Variants in PRRC2B observed in about 807,000 individuals in gnomAD.
PRRC2B encodes the protein proline rich coiled-coil 2B.
A neutral mutation model predicts 242.3 loss-of-function variants in PRRC2B; 68 were observed. The ratio of observed to expected loss-of-function variants is 0.28; its 90% confidence interval spans 0.23 to 0.34. The LOEUF (loss-of-function observed/expected upper bound fraction) is 0.34. Among genes scored for constraint, PRRC2B ranks in the 10% least tolerant of loss-of-function variants. The probability of loss-of-function intolerance (pLI) is 1.00; values close to 1 mark genes in which losing one functional copy is unlikely to be tolerated. For synonymous variants in PRRC2B, 1,228 were observed against 1,173.6 expected (o/e 1.05, Z -0.95); for missense variants, 2,835 against 2,954.8 (o/e 0.96, Z 0.94).
At chr9:131,373,916 G>A (rs1259378915) in intron 1 of PRRC2B, among the ~76,000 whole-genome samples, 3 of 152,190 alleles carry the variant, frequency 2.0e-5, no homozygotes, top group Non-Finnish European at 4.4e-5. Flanking sequence ...AAGATTAGCA[G>A]GGCGCGGTGG....
intron 1 of PRRC2B, among the ~76,000 whole-genome samples, chr9:131,410,688 T>G (rs1837485566): frequency 6.6e-6 from 1 of 152,250 alleles, no homozygotes; most frequent in Non-Finnish European, 1.5e-5. Context: ...TCTATTTTGT[T>G]TCTTCGTTCA....
At chr9:131,403,946 T>C (rs570690071) in intron 1 of PRRC2B, among the ~76,000 whole-genome samples, 30 of 152,248 alleles carry the variant, frequency 2.0e-4, no homozygotes, top group South Asian at 4.1e-4. Context: ...AATACTTTTT[T>C]TTTCTTCCTT....
chr9:131,483,471 T>A (rs1203911137), intron 23 of PRRC2B, 26 bp downstream of exon 23: 1 of 1,599,602 alleles, frequency 6.3e-7, no homozygotes, highest in East Asian at 2.2e-5. Flanking sequence ...CACTTTTGGC[T>A]CCACTCACTG....
At chr9:131,481,290 G>A (rs191521112) in intron 19 of PRRC2B, among the ~76,000 whole-genome samples, 112 of 107,150 alleles carry the variant, frequency 1.0e-3, no homozygotes, top group African/African-American at 4.0e-3. Flanking sequence ...CAGCCTGGGC[G>A]ACAGAGCAAG....
intron 1 of PRRC2B, among the ~76,000 whole-genome samples, chr9:131,400,963 C>CT (rs765033495): frequency 0.015 from 1,966 of 131,330 alleles, 35 homozygotes; most frequent in African/African-American, 0.049. Flanking sequence ...TTCTTTCTTT[C>CT]TTTTTTTTTT....
At chr9:131,415,539 C>T (rs1484810978) in intron 1 of PRRC2B, among the ~76,000 whole-genome samples, 4 of 152,166 alleles carry the variant, frequency 2.6e-5, no homozygotes, top group South Asian at 4.1e-4. Context: ...GCCAGTCCCT[C>T]GGTTTGCTCT....
chr9:131,420,496 T>TCTTTCTTTCTTTCTTC (rs59621148), intron 1 of PRRC2B, among the ~76,000 whole-genome samples: 1 of 75,898 alleles, frequency 1.3e-5, no homozygotes, highest in African/African-American at 5.3e-5. Flanking sequence ...TTTCTTTCTT[T>TCTTTCTTTCTTTCTTC]TTTTTTTTTT....
chr9:131,475,285 T>C lies in PRRC2B; in HGVS notation c.3156T>C (p.Ile1052=). The change falls in exon 16 of 32, where the codon ATT becomes ATC. Residue 1052 remains isoleucine, a synonymous_variant. Transcript: ENST00000683519. ...TGAAGAGAAATAACTGGATCTTTAT[T>C]GATGAGGAGCAAGCCTTTGGGGTCA... The part of the protein sequence containing the change: ...PPMKRNNWIF[I]DEEQAFGVRG... 5.0e-6 allele frequency: 8 copies of C among 1,611,762 alleles called. 1 individual carries two copies. The East Asian group carries it at 1.8e-4, about 36-fold the overall frequency.
At position 131,498,272 on chromosome 9, in the gene PRRC2B, GAAAAA is replaced by G; in HGVS notation, c.*2403_*2407del. The G allele has an allele frequency of 6.6e-6, 1 of 151,076 alleles. No individual in the cohort carries two copies. The highest frequency in any genetic ancestry group is 2.4e-5 in the African/African-American group (1 of 41,104). 9.4% of individuals were successfully genotyped at this position (151,076 alleles called of 1,614,324 possible). ...ATGTATTGATGTTGTAGGTCTAGGT[GAAAAA>G]AAAAGAAGTAAATGTTTCACTGCTC... On this transcript the variant is annotated 3_prime_UTR_variant, in exon 32 of 32. Transcript: ENST00000683519.
At chr9:131,428,201 T>TG (rs746181617) in intron 1 of PRRC2B, among the ~76,000 whole-genome samples, 5 of 152,058 alleles carry the variant, frequency 3.3e-5, no homozygotes, top group Admixed American at 6.6e-5. Context: ...ATTATAGGCG[T>TG]GAGCCACCGT....
chr9:131,445,165 CTTT>C (rs796163764), intron 6 of PRRC2B, among the ~76,000 whole-genome samples: 1 of 145,926 alleles, frequency 6.9e-6, no homozygotes, highest in African/African-American at 2.5e-5. Context: ...TATTTTGCTG[CTTT>C]TTTTTTTTTG....
In PRRC2B at chr9:131,435,331, T is replaced by C. The variant is rs1838318793; in HGVS notation, c.294-1289T>C. On this transcript the variant is annotated intron_variant, in intron 3 of 31. Transcript: ENST00000683519. ...AGAAAAGAAAAAAAAGTTCTTATTG[T>C]AGGTCGGGCGCAGTGGCTCACACCT... 2.6e-5 allele frequency among the ~76,000 whole-genome samples: 4 copies of C among 151,056 alleles called. No individual in the cohort carries two copies. The South Asian group carries it at 8.4e-4, about 32-fold the overall frequency.
chr9:131,492,377 T>G, intron 30 of PRRC2B, 117 bp downstream of exon 30: 1 of 720,364 alleles, frequency 1.4e-6, no homozygotes, highest in South Asian at 1.6e-5. Context: ...GGTCCCTCTA[T>G]GGGCCATGTG....
At chr9:131,490,179 G>T (rs1435451647) in intron 28 of PRRC2B, among the ~76,000 whole-genome samples, 2 of 151,552 alleles carry the variant, frequency 1.3e-5, no homozygotes, top group East Asian at 2.0e-4. Flanking sequence ...TTTTCCTCCC[G>T]GTCCTTCTGC....
In PRRC2B at chr9:131,482,139, C is replaced by T. The variant is rs146989285; in HGVS notation, c.4984-232C>T. Among the ~76,000 whole-genome samples the T allele has an allele frequency of 1.3e-5, 2 of 152,324 alleles. No homozygotes were observed. The highest frequency in any genetic ancestry group is 2.9e-5 in the Non-Finnish European group (2 of 68,038). On this transcript the variant is annotated intron_variant, in intron 20 of 31. Coordinates refer to ENST00000683519, the MANE Select transcript of PRRC2B (RefSeq NM_013318.4). This position sits in a 1 kb window ranked among gnomAD's most constrained non-coding sequence, Gnocchi z 5.2. ...GTCACAAGTGAGATGGGTTTGGCAG[C>T]CTCGGTCTGGGGCCCATAGAAGATC...
At chr9:131,464,686 T>G (rs969302723) in intron 11 of PRRC2B, 77 bp from the exon 12 acceptor site, 1 of 1,337,170 alleles carries the variant, frequency 7.5e-7, no homozygotes, top group Non-Finnish European at 1.0e-6. Flanking sequence ...GGAGGAGAAC[T>G]GATCCCAAAG....
rs1588278707 is a variant in PRRC2B, at chr9:131,482,845, G to A, written c.5311G>A (p.Val1771Met). The A allele has an allele frequency of 6.2e-7, 1 of 1,608,630 alleles. No individual in the cohort carries two copies. Among genetic ancestry groups the A allele is most frequent in the Non-Finnish European group, 8.5e-7 (1 of 1,177,570 alleles). Residue 1771 changes from valine (V) to methionine (M), a missense_variant, in exon 22 of 32, where the codon GTG (valine) becomes ATG (methionine). Coordinates refer to ENST00000683519, the MANE Select transcript of PRRC2B (RefSeq NM_013318.4). The surrounding 1 kb of genome is among the most constrained non-coding windows in gnomAD (Gnocchi z 5.2). ...GGCTGTCGTCCCGCCTGTTAACGGGGTGGAGATTCACGTGGACTCCGTGCT... is the reference window on the plus strand; with the variant it reads ...GGCTGTCGTCCCGCCTGTTAACGGGATGGAGATTCACGTGGACTCCGTGCT... ...QGAVVPPVNGVEIHVDSVLPV... is the reference protein window; with the variant it reads ...QGAVVPPVNGMEIHVDSVLPV...
intron 9 of PRRC2B, among the ~76,000 whole-genome samples, chr9:131,448,555 A>AAAAAAAAAC (rs1838897868): frequency 1.6e-5 from 2 of 126,860 alleles, no homozygotes; most frequent in Non-Finnish European, 3.4e-5. Flanking sequence ...AAAAAAAAAA[A>AAAAAAAAAC]AAAAAAAAAA....
intron 14 of PRRC2B, among the ~76,000 whole-genome samples, chr9:131,473,166 G>A (rs1436521650): frequency 6.6e-6 from 1 of 152,140 alleles, no homozygotes; most frequent in Non-Finnish European, 1.5e-5. Context: ...GCCCTTTTGG[G>A]TCTTTGTTTT....
Sources: allele counts gnomAD v4.1 joint callset (sites outside exome capture counted in the v4.1 genomes callset), GRCh38; gene constraint gnomAD v4.1.1; non-coding constraint Gnocchi (gnomAD v3.1); transcripts MANE v1.5; gene names NCBI Gene and HGNC (gene_info 2026-07-23, HGNC 2026-07-21).